MAGI1: variants seen among roughly 807,000 people sequenced by gnomAD.
MAGI1 encodes the protein membrane associated guanylate kinase, WW and PDZ domain containing 1.
Under a neutral mutation model 139.9 loss-of-function variants are expected in MAGI1, and 58 were observed. That is an observed-to-expected ratio of 0.41 (90% CI 0.34 to 0.52). The LOEUF (loss-of-function observed/expected upper bound fraction) is 0.52, where lower values mean the gene tolerates loss of function less well. Ranked by LOEUF, MAGI1 falls within the 20% of genes least tolerant of loss-of-function variation. The probability of loss-of-function intolerance (pLI) is 0.12; values close to 1 mark genes in which losing one functional copy is unlikely to be tolerated. For missense variants in MAGI1, 1,874 were observed against 1,901.6 expected (o/e 0.99, Z 0.27); for synonymous variants, 812 against 737.9 (o/e 1.10, Z -1.63).
chr3:65,458,175 T>G (rs565239663), intron 5 of MAGI1, among the ~76,000 whole-genome samples: 1 of 152,184 alleles, frequency 6.6e-6, no homozygotes, highest in East Asian at 1.9e-4. Flanking sequence ...GTATATGGAC[T>G]CCACTTTCTT....
chr3:65,428,044 C>T (rs926700958), intron 12 of MAGI1, among the ~76,000 whole-genome samples: 1 of 152,170 alleles, frequency 6.6e-6, no homozygotes, highest in Non-Finnish European at 1.5e-5. Context: ...GCTCATTGAG[C>T]ATTTCAATTC....
chr3:65,381,820 C>A, intron 16 of MAGI1, 57 bp downstream of exon 16: 5 of 1,443,508 alleles, frequency 3.5e-6, no homozygotes, highest in Non-Finnish European at 4.7e-6. Context: ...AGGAAGGAGG[C>A]CTTTTCTGTG....
chr3:65,477,711 A>ATTATTATTATTATT (rs376492339), intron 4 of MAGI1, among the ~76,000 whole-genome samples: 3 of 141,612 alleles, frequency 2.1e-5, no homozygotes, highest in African/African-American at 7.8e-5. Context: ...TATTATTATT[A>ATTATTATTATTATT]TTTTTTTTTT....
chr3:65,958,717 G>C (rs2064256319), intron 1 of MAGI1, among the ~76,000 whole-genome samples: 1 of 152,112 alleles, frequency 6.6e-6, no homozygotes, highest in South Asian at 2.1e-4. Context: ...CCAGGCGGGG[G>C]AGCTCAGGCC....
chr3:65,646,894 T>C (rs1202788766), intron 1 of MAGI1, among the ~76,000 whole-genome samples: 1 of 151,726 alleles, frequency 6.6e-6, no homozygotes, highest in East Asian at 1.9e-4. Flanking sequence ...CGTAAAGCAG[T>C]GCTAAAGGGA....
At chr3:65,832,384 T>A (rs1363095395) in intron 1 of MAGI1, among the ~76,000 whole-genome samples, 2 of 152,144 alleles carry the variant, frequency 1.3e-5, no homozygotes, top group Non-Finnish European at 2.9e-5. Context: ...GTAATGAAAC[T>A]GAACACACTG....
chr3:65,418,819 C>T (rs983680189), intron 12 of MAGI1, among the ~76,000 whole-genome samples: 28 of 152,316 alleles, frequency 1.8e-4, no homozygotes, highest in Middle Eastern at 6.8e-3. Context: ...CCAGCCTCTC[C>T]AGCCCGACTG....
At chr3:65,359,373 C>T (rs1940550470) in intron 22 of MAGI1, 1 of 1,356,178 alleles carries the variant, frequency 7.4e-7, no homozygotes, top group Non-Finnish European at 9.5e-7. Context: ...CATTTTTAGA[C>T]AGCCATAAGG....
At chr3:65,565,664 C>A (rs1445937962) in intron 2 of MAGI1, among the ~76,000 whole-genome samples, 1 of 151,716 alleles carries the variant, frequency 6.6e-6, no homozygotes, top group East Asian at 1.9e-4. Flanking sequence ...CAAGACCAGC[C>A]TGGTCAACAT....
intron 2 of MAGI1, among the ~76,000 whole-genome samples, chr3:65,514,418 G>A (rs374292917): frequency 0.013 from 1,519 of 114,064 alleles, no homozygotes; most frequent in East Asian, 0.07. Flanking sequence ...ATCTGACAAA[G>A]GGCTAATATC....
intron 1 of MAGI1, among the ~76,000 whole-genome samples, chr3:65,970,188 T>C (rs1016429583): frequency 3.9e-5 from 6 of 152,204 alleles, no homozygotes; most frequent in Non-Finnish European, 8.8e-5. Flanking sequence ...TGACACATGC[T>C]ACAACGTGAA....
At chr3:65,625,215 A>G (rs1001234275) in intron 1 of MAGI1, among the ~76,000 whole-genome samples, 7 of 152,220 alleles carry the variant, frequency 4.6e-5, no homozygotes, top group South Asian at 2.1e-4. Flanking sequence ...ATTGGTTTAT[A>G]TATTTGTCAA....
rs2081758044 is a variant in MAGI1, at chr3:65,587,682, A to T, written c.430+34290T>A. Among the ~76,000 whole-genome samples the T allele has an allele frequency of 2.6e-5, 4 of 151,754 alleles. No homozygotes were observed. In the South Asian group the frequency reaches 8.3e-4, roughly 32 times the overall value. On this transcript the variant is annotated intron_variant, in intron 2 of 22. Transcript: ENST00000402939. ...TTTTTTGTAGAGATGAGGTTTCACC[A>T]TGTTGCCCAGGCTGGTCTCAAACTC...
At chr3:65,469,292 A>G (rs908631382) in intron 5 of MAGI1, among the ~76,000 whole-genome samples, 3 of 152,178 alleles carry the variant, frequency 2.0e-5, no homozygotes, top group African/African-American at 7.2e-5. Context: ...CTATACGAGT[A>G]TAACAGATGA....
rs73833311 is a variant in MAGI1 at position 65,979,927 on chromosome 3, G to A, written c.313+58069C>T. Among the ~76,000 whole-genome samples the A allele has an allele frequency of 6.0e-3, 919 of 152,252 alleles. 8 individuals carry two copies. The highest frequency in any genetic ancestry group is 0.021 in the African/African-American group (858 of 41,552). Reference sequence around the variant, plus strand: ...AGAGAGTCATCTTGAAAGTATGTGCGGGTGATTAAAGAGGAACTGGCCTCT... The same window carrying A: ...AGAGAGTCATCTTGAAAGTATGTGCAGGTGATTAAAGAGGAACTGGCCTCT... On this transcript the variant is annotated intron_variant, in intron 1 of 22. Coordinates refer to ENST00000402939, the MANE Select transcript of MAGI1 (RefSeq NM_001033057.2).
At chr3:65,973,330 T>C (rs539329107) in intron 1 of MAGI1, among the ~76,000 whole-genome samples, 1 of 152,300 alleles carries the variant, frequency 6.6e-6, no homozygotes, top group East Asian at 1.9e-4. Flanking sequence ...TTTCTACTCT[T>C]TTTTCTTCAT....
intron 1 of MAGI1, among the ~76,000 whole-genome samples, chr3:65,835,694 G>A (rs566693833): frequency 6.6e-6 from 1 of 152,244 alleles, no homozygotes; most frequent in East Asian, 1.9e-4. Flanking sequence ...TTTTTGTAGT[G>A]AAAAACAAGA....
chr3:65,636,909 A>T (rs1419449818), intron 1 of MAGI1, among the ~76,000 whole-genome samples: 1 of 152,090 alleles, frequency 6.6e-6, no homozygotes, highest in Non-Finnish European at 1.5e-5. Flanking sequence ...CAGCCGACCA[A>T]ATCTTATCCC....
At chr3:65,741,125 G>C (rs944106398) in intron 1 of MAGI1, among the ~76,000 whole-genome samples, 2 of 151,342 alleles carry the variant, frequency 1.3e-5, no homozygotes, top group African/African-American at 4.9e-5. Flanking sequence ...GAGAGAACTT[G>C]ATCAACTGTG....
Sources: allele counts gnomAD v4.1 joint callset (sites outside exome capture counted in the v4.1 genomes callset), GRCh38; gene constraint gnomAD v4.1.1; transcripts MANE v1.5; gene names NCBI Gene and HGNC (gene_info 2026-07-23, HGNC 2026-07-21).